The following BICC1 variants were observed in gnomAD, a reference collection of about 807,000 sequenced individuals.
BICC1 encodes BicC family RNA binding protein 1.
A neutral mutation model predicts 111.0 loss-of-function variants in BICC1; 43 were observed. That is an observed-to-expected ratio of 0.39 (90% CI 0.30 to 0.50). The LOEUF is 0.50. Among genes scored for constraint, BICC1 ranks in the 20% least tolerant of loss-of-function variants. The pLI is 0.88. For synonymous variants in BICC1, 467 were observed against 434.4 expected, an observed-to-expected ratio of 1.07 and a Z score of -0.93; for missense variants, 1,091 against 1,203.2, an observed-to-expected ratio of 0.91 and a Z score of 1.38.
chr10:58,782,659 G>A (rs1390791413), intron 3 of BICC1, among the ~76,000 whole-genome samples: 4 of 152,090 alleles, frequency 2.6e-5, no homozygotes, highest in African/African-American at 9.7e-5. Context: ...AAATTTTGAA[G>A]GTAGACAGCT....
intron 2 of BICC1, among the ~76,000 whole-genome samples, chr10:58,679,962 G>GA (rs2132355937): frequency 6.6e-6 from 1 of 152,274 alleles, no homozygotes; most frequent in East Asian, 1.9e-4. Context: ...AATAGATGTA[G>GA]AAAAGGCCTT....
intron 2 of BICC1, among the ~76,000 whole-genome samples, chr10:58,652,419 T>C (rs766044267): frequency 1.6e-4 from 24 of 152,100 alleles, no homozygotes; most frequent in Non-Finnish European, 3.2e-4. Flanking sequence ...TCTGAACATA[T>C]AATAGTAATT....
intron 3 of BICC1, among the ~76,000 whole-genome samples, chr10:58,770,369 C>T (rs994913395): frequency 2.6e-5 from 4 of 152,112 alleles, no homozygotes; most frequent in African/African-American, 9.6e-5. Context: ...GTTACTTTCT[C>T]ATAAACTGCA....
At chr10:58,792,675 C>T (rs915330587) in intron 8 of BICC1, among the ~76,000 whole-genome samples, 1 of 152,174 alleles carries the variant, frequency 6.6e-6, no homozygotes, top group African/African-American at 2.4e-5. Context: ...CACTGTCTCC[C>T]ATCACCTCCA....
At chr10:58,663,767 A>G (rs1838921474) in intron 2 of BICC1, among the ~76,000 whole-genome samples, 1 of 152,138 alleles carries the variant, frequency 6.6e-6, no homozygotes, top group South Asian at 2.1e-4. Flanking sequence ...CTTCCATGAA[A>G]CTGGTCCCTG....
chr10:58,569,554 C>T (rs1486553234), intron 1 of BICC1, among the ~76,000 whole-genome samples: 14 of 152,230 alleles, frequency 9.2e-5, no homozygotes, highest in Middle Eastern at 3.4e-3. Context: ...CTCCCACCCC[C>T]TGGCAGGTCC....
Position 58,828,792 on chromosome 10 carries a change from A to G in BICC1, c.2826A>G (p.Glu942=), listed in dbSNP as rs759033199. 3.1e-6 allele frequency: 5 copies of G among 1,613,822 alleles called. No individual in the cohort carries two copies. The East Asian group carries it at 1.1e-4, about 36-fold the overall frequency. The change falls in exon 21 of 21, where the codon GAA becomes GAG. Residue 942 remains glutamate, a synonymous_variant. Transcript: ENST00000373886. ...ELNKNRRKLF[E]SPNARTSFLE... ...ATAAAAACCGAAGAAAGCTTTTTGA[A>G]TCGCCAAATGCACGCACCTCTTTCC...
intron 2 of BICC1, chr10:58,648,796 T>A (rs753524757): frequency 3.7e-5 from 15 of 403,110 alleles, no homozygotes; most frequent in Non-Finnish European, 3.7e-5. Context: ...TCCTTTCTGC[T>A]TTTTCATTTT....
At chr10:58,617,221 G>C (rs898445941) in intron 1 of BICC1, among the ~76,000 whole-genome samples, 1 of 152,356 alleles carries the variant, frequency 6.6e-6, no homozygotes, top group South Asian at 2.1e-4. Flanking sequence ...GGCTACAGTC[G>C]TCGTGCGGAT....
chr10:58,827,025 T>G (rs1254194210), intron 20 of BICC1, among the ~76,000 whole-genome samples: 1 of 152,240 alleles, frequency 6.6e-6, no homozygotes, highest in African/African-American at 2.4e-5. Context: ...AACTTGCCAG[T>G]AAAAGACTGA....
Position 58,642,021 on chromosome 10 carries a change from T to C in BICC1, c.237+21120T>C, listed in dbSNP as rs558872937. Among the ~76,000 whole-genome samples, 39 of 152,340 alleles carry C rather than the reference T, an allele frequency of 2.6e-4. 1 individual carries two copies. The highest frequency in any genetic ancestry group is 6.2e-4 in the South Asian group (3 of 4,826). On this transcript the variant is annotated intron_variant, in intron 2 of 20. Transcript: ENST00000373886. ...AATATCTTGCAGGGAAGACACAATT[T>C]GAAATTGTAATAGCAGTGCTGCAAG...
intron 1 of BICC1, among the ~76,000 whole-genome samples, chr10:58,593,342 C>T (rs1236660552): frequency 1.3e-5 from 2 of 152,170 alleles, no homozygotes; most frequent in Non-Finnish European, 2.9e-5. Flanking sequence ...CCCTGCCTGA[C>T]AGTTCTGAAG....
At chr10:58,628,761 T>G (rs1837707521) in intron 2 of BICC1, among the ~76,000 whole-genome samples, 1 of 152,232 alleles carries the variant, frequency 6.6e-6, no homozygotes, top group Admixed American at 6.5e-5. Context: ...TAGGCACTGT[T>G]ACATTGGTCA....
chr10:58,667,030 G>T (rs57408415), intron 2 of BICC1, among the ~76,000 whole-genome samples: 2,488 of 152,082 alleles, frequency 0.016, 78 homozygotes, highest in African/African-American at 0.057. Flanking sequence ...GATGAAAGAG[G>T]CTTACAATTT....
chr10:58,778,508 A>C, intron 3 of BICC1, among the ~76,000 whole-genome samples: 1 of 152,210 alleles, frequency 6.6e-6, no homozygotes, highest in Non-Finnish European at 1.5e-5. Context: ...TTTTATTAAG[A>C]AAATTATAAG....
chr10:58,813,784 A>C (rs1843990141), intron 17 of BICC1, 46 bp from the exon 18 acceptor site: 1 of 1,593,820 alleles, frequency 6.3e-7, no homozygotes, highest in South Asian at 1.1e-5. Flanking sequence ...ACCCTGAAAA[A>C]CCCACCTGAT....
chr10:58,742,910 C>T (rs1211933305), intron 3 of BICC1, among the ~76,000 whole-genome samples: 1 of 152,142 alleles, frequency 6.6e-6, no homozygotes, highest in Non-Finnish European at 1.5e-5. Context: ...AGATTCAGAG[C>T]CATTGCCCAC....
At chr10:58,741,571 A>G (rs1175218972) in intron 3 of BICC1, among the ~76,000 whole-genome samples, 1 of 152,202 alleles carries the variant, frequency 6.6e-6, no homozygotes, top group Non-Finnish European at 1.5e-5. Flanking sequence ...AATACATCTC[A>G]AAAACTATTT....
intron 3 of BICC1, among the ~76,000 whole-genome samples, chr10:58,718,777 T>TGTGTGTGTGC (rs1364513755): frequency 5.3e-5 from 7 of 131,856 alleles, no homozygotes; most frequent in African/African-American, 2.0e-4. Flanking sequence ...CGCGCGCGCG[T>TGTGTGTGTGC]GCGCGCGTGC....
Sources: allele counts gnomAD v4.1 joint callset (sites outside exome capture counted in the v4.1 genomes callset), GRCh38; gene constraint gnomAD v4.1.1; transcripts MANE v1.5; gene names NCBI Gene and HGNC (gene_info 2026-07-23, HGNC 2026-07-21).